Variants in SLC66A3 observed in about 807,000 individuals in gnomAD.
SLC66A3 encodes the protein PQ loop repeat containing 3.
SLC66A3 carries 23 observed loss-of-function variants against 25.5 expected under a neutral mutation model. The observed-to-expected ratio is 0.90, with a 90% CI of 0.65 to 1.28. The LOEUF is 1.28. Among genes scored for constraint, SLC66A3 ranks in the 50% most tolerant of loss-of-function variants. The probability of loss-of-function intolerance (pLI) is 0.00; values close to 1 mark genes in which losing one functional copy is unlikely to be tolerated. For synonymous variants in SLC66A3, 108 were observed against 112.6 expected, an observed-to-expected ratio of 0.96 and a Z score of 0.26; for missense variants, 246 against 262.1, an observed-to-expected ratio of 0.94 and a Z score of 0.42.
chr2:11,175,812 C>T (rs921678798), intron 6 of SLC66A3, among the ~76,000 whole-genome samples: 1 of 152,188 alleles, frequency 6.6e-6, no homozygotes, highest in Non-Finnish European at 1.5e-5. Context: ...ATGATTAGAA[C>T]AGATGGTGTC....
chr2:11,176,525 C>CTTTTTTT (rs775778444), intron 6 of SLC66A3, among the ~76,000 whole-genome samples: 2 of 87,306 alleles, frequency 2.3e-5, no homozygotes, highest in South Asian at 5.0e-4. Context: ...CTGGGAATAA[C>CTTTTTTT]TTTTTTTTTT....
At chr2:11,173,156 C>T (rs780982697) in intron 5 of SLC66A3, among the ~76,000 whole-genome samples, 1 of 152,162 alleles carries the variant, frequency 6.6e-6, no homozygotes, top group Non-Finnish European at 1.5e-5. Flanking sequence ...AGCCACCGCG[C>T]CCAGCCAATT....
intron 4 of SLC66A3, among the ~76,000 whole-genome samples, chr2:11,168,237 A>G (rs1274520477): frequency 6.6e-6 from 1 of 151,598 alleles, no homozygotes; most frequent in Non-Finnish European, 1.5e-5. Flanking sequence ...GTGAGCCAAG[A>G]TTGAGCCACT....
At chr2:11,161,943 G>C (rs1193560191) in intron 3 of SLC66A3, among the ~76,000 whole-genome samples, 2 of 152,218 alleles carry the variant, frequency 1.3e-5, no homozygotes, top group South Asian at 4.1e-4. Context: ...CAGGCCTGTG[G>C]CCCGCAGGCC....
chr2:11,163,103 A>G (rs1395697686), intron 3 of SLC66A3, among the ~76,000 whole-genome samples: 1 of 152,158 alleles, frequency 6.6e-6, no homozygotes, highest in African/African-American at 2.4e-5. Context: ...AAAATGAGCC[A>G]TGTGTGGTGT....
chr2:11,164,357 T>TTTTTGAAA, intron 4 of SLC66A3, 96 bp downstream of exon 4: 1 of 170,360 alleles, frequency 5.9e-6, no homozygotes, highest in Non-Finnish European at 1.1e-5. Context: ...TTTTTTTTTT[T>TTTTTGAAA]TGAAATGGAG....
Position 11,155,509 on chromosome 2 carries a change from C to G in SLC66A3, c.-38C>G, listed in dbSNP as rs1393234239. 2.0e-6 allele frequency: 3 copies of G among 1,473,314 alleles called. No individual in the cohort carries two copies. The highest frequency in any genetic ancestry group is 2.7e-6 in the Non-Finnish European group (3 of 1,121,118). The allele number at this position is 1,473,314 out of a possible 1,614,324, so 91.3% of individuals were successfully genotyped here. On this transcript the variant is annotated 5_prime_UTR_variant, in exon 1 of 7. Transcript: ENST00000295083. ...CGCCGCCGAGGCTGAGCGGTCCCTT[C>G]TCGCTGCGGCCGCCCAGGTGCCCGC...
intron 5 of SLC66A3, among the ~76,000 whole-genome samples, chr2:11,173,994 G>A (rs1248663342): frequency 2.0e-5 from 3 of 152,112 alleles, no homozygotes; most frequent in East Asian, 3.9e-4. Context: ...TCGCTCTTTC[G>A]CTTAGGCTGG....
chr2:11,157,367 C>T (rs1485762662), intron 1 of SLC66A3, among the ~76,000 whole-genome samples: 1 of 152,256 alleles, frequency 6.6e-6, no homozygotes, highest in African/African-American at 2.4e-5. Flanking sequence ...GGGGCTGGTG[C>T]ACCAGCTCTG....
At chr2:11,165,851 C>CA (rs141134602) in intron 4 of SLC66A3, among the ~76,000 whole-genome samples, 15 of 151,790 alleles carry the variant, frequency 9.9e-5, no homozygotes, top group East Asian at 7.9e-4. Context: ...CTGTCTCCAC[C>CA]AAAAAAATAC....
In SLC66A3 at chr2:11,155,474, G is replaced by C. The variant is rs979602887; in HGVS notation, c.-73G>C. The C allele has an allele frequency of 3.6e-6, 5 of 1,381,612 alleles. No individual in the cohort carries two copies. Among genetic ancestry groups the C allele is most frequent in the South Asian group, 3.2e-5 (2 of 63,418 alleles). The allele number at this position is 1,381,612 out of a possible 1,614,324, so 85.6% of individuals were successfully genotyped here. On this transcript the variant is annotated 5_prime_UTR_variant, in exon 1 of 7. Transcript: ENST00000295083. Reference sequence around the variant, plus strand: ...GGATCCCGGGAAGGCGGAAGGCTTCGGCAGAGCTGCGCCGCCGAGGCTGAG... The same window carrying C: ...GGATCCCGGGAAGGCGGAAGGCTTCCGCAGAGCTGCGCCGCCGAGGCTGAG...
chr2:11,178,124 A>ACTC lies in SLC66A3; in HGVS notation c.*297_*299dup. On this transcript the variant is annotated 3_prime_UTR_variant, in exon 7 of 7. Transcript: ENST00000295083. Reference sequence around the variant, plus strand: ...CCATTTTGAGGCCATTTTGAGCCTTACTCTTAAGTTCTCTATGAAGAACTA... The same window carrying ACTC: ...CCATTTTGAGGCCATTTTGAGCCTTACTCCTCTTAAGTTCTCTATGAAGAACTA... 8.5e-6 allele frequency: 2 copies of ACTC among 234,784 alleles called. No individual in the cohort carries two copies. Among genetic ancestry groups the ACTC allele is most frequent in the East Asian group, 1.8e-4 (2 of 11,228 alleles). The allele number at this position is 234,784 out of a possible 1,614,324, so 14.5% of individuals were successfully genotyped here. A position where few individuals can be genotyped will look rare whatever the true frequency, so the allele number is the denominator to read the frequency against.
intron 3 of SLC66A3, 142 bp downstream of exon 3, chr2:11,160,836 G>C (rs993881742): frequency 1.5e-6 from 2 of 1,334,198 alleles, no homozygotes; most frequent in Non-Finnish European, 1.0e-6. Flanking sequence ...AAATGCAAAC[G>C]TGTCCATGTA....
chr2:11,169,835 C>CTTTTTTTT (rs1558257033), intron 4 of SLC66A3, among the ~76,000 whole-genome samples: 26 of 85,112 alleles, frequency 3.1e-4, no homozygotes, highest in African/African-American at 5.0e-4. Context: ...CTGGATTTCT[C>CTTTTTTTT]TCTTTTTTTT....
chr2:11,161,380 C>T (rs1375438317), intron 3 of SLC66A3, among the ~76,000 whole-genome samples: 1 of 151,148 alleles, frequency 6.6e-6, no homozygotes, highest in African/African-American at 2.4e-5. Context: ...CTCGGTCAAG[C>T]TTGATTGCCT....
At chr2:11,174,908 A>G (rs1662683296) in intron 5 of SLC66A3, 60 bp from the exon 6 acceptor site, 1 of 1,163,360 alleles carries the variant, frequency 8.6e-7, no homozygotes, top group Non-Finnish European at 1.3e-6. Context: ...AGACATTATT[A>G]GCTAAGCCCC....
In SLC66A3 at chr2:11,177,834, A is replaced by T; in HGVS notation, c.*6A>T. On this transcript the variant is annotated 3_prime_UTR_variant, in exon 7 of 7. Coordinates refer to ENST00000295083, the MANE Select transcript of SLC66A3 (RefSeq NM_152391.5). ...CCGCTATAAAGGCTGAATGATGGAT[A>T]CATTATTCCTTCACACAGTGGATTT... 1 of 1,506,508 alleles carries T rather than the reference A, an allele frequency of 6.6e-7. No homozygotes were observed. Among genetic ancestry groups the T allele is most frequent in the Non-Finnish European group, 9.2e-7 (1 of 1,083,604 alleles). The allele number at this position is 1,506,508 out of a possible 1,614,324, so 93.3% of individuals were successfully genotyped here.
At chr2:11,171,890 G>A (rs369339786) in intron 4 of SLC66A3, 35 bp from the exon 5 acceptor site, 276 of 1,610,948 alleles carry the variant, frequency 1.7e-4, no homozygotes, top group Non-Finnish European at 1.8e-4. Context: ...TTAACAAATC[G>A]ACTCGTGACT....
At chr2:11,165,908 C>T (rs766524144) in intron 4 of SLC66A3, among the ~76,000 whole-genome samples, 4 of 152,326 alleles carry the variant, frequency 2.6e-5, no homozygotes, top group African/African-American at 7.2e-5. Flanking sequence ...CCCAGGCACT[C>T]GGCAGGCTGA....
Sources: gnomAD v4.1 joint callset for allele counts (sites outside exome capture counted in the v4.1 genomes callset) on GRCh38, gnomAD v4.1.1 for gene constraint, MANE v1.5 for transcripts, NCBI Gene and HGNC (gene_info 2026-07-23, HGNC 2026-07-21) for gene names.